SYNE2: variants seen among roughly 807,000 people sequenced by gnomAD.
SYNE2 encodes the protein spectrin repeat containing nuclear envelope protein 2.
A neutral mutation model predicts 856.3 loss-of-function variants in SYNE2; 431 were observed. That is an observed-to-expected ratio of 0.50 (90% CI 0.47 to 0.55). SYNE2 has a LOEUF of 0.55. Among genes scored for constraint, SYNE2 ranks in the 20% least tolerant of loss-of-function variants. The probability of loss-of-function intolerance (pLI) is 0.00; values close to 1 mark genes in which losing one functional copy is unlikely to be tolerated. For synonymous variants in SYNE2, 2,923 were observed against 2,872.3 expected, an observed-to-expected ratio of 1.02 and a Z score of -0.56; for missense variants, 8,129 against 8,023.2, an observed-to-expected ratio of 1.01 and a Z score of -0.50.
intron 60 of SYNE2, among the ~76,000 whole-genome samples, chr14:64,092,470 G>A (rs988120603): frequency 3.9e-5 from 6 of 152,194 alleles, no homozygotes; most frequent in Non-Finnish European, 7.3e-5. Flanking sequence ...AGAACGGGAT[G>A]TAGTTCATTA....
At chr14:63,856,076 C>T (rs767622413) in intron 1 of SYNE2, among the ~76,000 whole-genome samples, 2 of 152,096 alleles carry the variant, frequency 1.3e-5, no homozygotes, top group Non-Finnish European at 2.9e-5. Context: ...TGCTCAAAGG[C>T]CTCCAGGCAG....
intron 53 of SYNE2, among the ~76,000 whole-genome samples, chr14:64,075,033 A>C (rs1047417499): frequency 2.6e-5 from 4 of 152,040 alleles, no homozygotes; most frequent in African/African-American, 9.7e-5. Flanking sequence ...GATGACACTT[A>C]CTTATTAAAC....
At position 64,225,300 on chromosome 14, in the gene SYNE2, C is replaced by A. The variant is rs375356310; in HGVS notation, c.20517-19C>A. ...CCTGTGGAGCCTCCCAATCAGCTCT[C>A]AACCTCCTCTGTTGGCAGGGTCCCC... On this transcript the variant is annotated intron_variant, in intron 115 of 115. Transcript: ENST00000555002. The A allele has an allele frequency of 1.5e-4, 240 of 1,613,978 alleles. No individual in the cohort carries two copies. Among genetic ancestry groups the A allele is most frequent in the Non-Finnish European group, 2.0e-4 (236 of 1,180,048 alleles).
rs188913060 is a variant in SYNE2 at position 64,097,250 on chromosome 14, G to C, written c.12109-699G>C. On this transcript the variant is annotated intron_variant, in intron 61 of 115. Transcript: ENST00000555002. ...TTCCCATAATAAGATATACTACATG[G>C]TACCTTTATTTGTTTACCTATTCCT... Among the ~76,000 whole-genome samples, 42 of 152,058 alleles carry C rather than the reference G, an allele frequency of 2.8e-4. 2 individuals are homozygous for C. The East Asian group carries it at 4.3e-3, about 15-fold the overall frequency.
intron 99 of SYNE2, among the ~76,000 whole-genome samples, chr14:64,193,794 A>G (rs2098528860): frequency 6.6e-6 from 1 of 152,002 alleles, no homozygotes; most frequent in African/African-American, 2.4e-5. Context: ...GGAAACCAAC[A>G]TTGCTTATTT....
At position 64,185,454 on chromosome 14, in the gene SYNE2, C is replaced by T. The variant is rs537073175; in HGVS notation, c.17557-970C>T. ...GTGAAAGTAAATCTCTTGAGTAAAT[C>T]CTAGATTTCAGAAGGTTTCAATTTG... On this transcript the variant is annotated intron_variant, in intron 96 of 115. Coordinates refer to ENST00000555002, the MANE Select transcript of SYNE2 (RefSeq NM_182914.3). Among the ~76,000 whole-genome samples, 15 of 150,410 alleles carry T rather than the reference C, an allele frequency of 1.0e-4. No individual in the cohort carries two copies. The South Asian group carries it at 3.2e-3, about 32-fold the overall frequency.
At chr14:64,153,243 G>T (rs777110172) in intron 85 of SYNE2, among the ~76,000 whole-genome samples, 8 of 152,300 alleles carry the variant, frequency 5.3e-5, no homozygotes, top group Admixed American at 6.5e-5. Flanking sequence ...CTTACAAAAG[G>T]CATGTCAATG....
rs371016768 is a variant in SYNE2 at position 63,949,956 on chromosome 14, A to G, written c.540A>G (p.Gln180=). The G allele has an allele frequency of 6.8e-6, 11 of 1,614,120 alleles. No individual in the cohort carries two copies. Among genetic ancestry groups the G allele is most frequent in the Non-Finnish European group, 9.3e-6 (11 of 1,180,018 alleles). Reference sequence around the variant, plus strand: ...GCTCTAAAGTGCAAGCAAGATGGCAAATGTCTGCAAGAAAGGCCCTTCTTT... The same window carrying G: ...GCTCTAAAGTGCAAGCAAGATGGCAGATGTCTGCAAGAAAGGCCCTTCTTT... ...KKCSKVQARW[Q]MSARKALLLW... Residue 180 remains glutamine, a synonymous_variant, in exon 7 of 116, where the codon CAA becomes CAG. Transcript: ENST00000555002.
intron 62 of SYNE2, 94 bp from the exon 63 acceptor site, chr14:64,098,652 TA>T (rs1374207094): frequency 7.6e-7 from 1 of 1,322,582 alleles, no homozygotes; most frequent in Non-Finnish European, 1.1e-6. Flanking sequence ...ATAAAGTAAG[TA>T]AAAAATTAGC....
At chr14:64,182,662 C>A (rs567901450) in intron 96 of SYNE2, among the ~76,000 whole-genome samples, 1 of 152,310 alleles carries the variant, frequency 6.6e-6, no homozygotes, top group African/African-American at 2.4e-5. Flanking sequence ...TCCATTTAAT[C>A]CTGAGTGGAC....
At chr14:63,971,547 G>A (rs753695733) in intron 11 of SYNE2, among the ~76,000 whole-genome samples, 8 of 150,104 alleles carry the variant, frequency 5.3e-5, no homozygotes, top group East Asian at 2.0e-4. Context: ...CACATGTAAT[G>A]TATGTCTTAA....
chr14:64,053,958 G>A (rs755749461), intron 48 of SYNE2, among the ~76,000 whole-genome samples: 1 of 152,154 alleles, frequency 6.6e-6, no homozygotes, highest in Non-Finnish European at 1.5e-5. Context: ...GACCAAGTGA[G>A]ACTCTGTCTC....
At chr14:63,975,273 T>C (rs184723736) in intron 11 of SYNE2, among the ~76,000 whole-genome samples, 2 of 152,246 alleles carry the variant, frequency 1.3e-5, no homozygotes, top group Admixed American at 6.5e-5. Flanking sequence ...AATTTTGATA[T>C]CTTTAATGTG....
At chr14:64,138,527 C>T (rs1284780849) in intron 79 of SYNE2, among the ~76,000 whole-genome samples, 1 of 152,046 alleles carries the variant, frequency 6.6e-6, no homozygotes, top group Non-Finnish European at 1.5e-5. Context: ...AGCCACTGCA[C>T]CCAGCTAGTT....
chr14:63,928,193 G>T (rs1353564935), intron 2 of SYNE2, among the ~76,000 whole-genome samples: 1 of 152,174 alleles, frequency 6.6e-6, no homozygotes, highest in Non-Finnish European at 1.5e-5. Context: ...AAGGTTGGGG[G>T]TGTCCAACCC....
At chr14:64,115,163 C>T (rs530631562) in intron 66 of SYNE2, among the ~76,000 whole-genome samples, 1 of 152,306 alleles carries the variant, frequency 6.6e-6, no homozygotes, top group East Asian at 1.9e-4. Context: ...TTGATTATCA[C>T]CAGAATCCCA....
intron 1 of SYNE2, among the ~76,000 whole-genome samples, chr14:63,903,472 T>A (rs2095364738): frequency 1.3e-5 from 2 of 152,194 alleles, no homozygotes; most frequent in Non-Finnish European, 2.9e-5. Context: ...AATTTTTTTC[T>A]GACACCTTTG....
At position 64,130,124 on chromosome 14, in the gene SYNE2, A is replaced by G. The variant is rs1167783896; in HGVS notation, c.14216A>G (p.Gln4739Arg). The change falls in exon 76 of 116, where the codon CAG (glutamine) becomes CGG (arginine). Residue 4739 changes from glutamine (Q) to arginine (R), a missense_variant. This residue lies in a region of SYNE2 where 5,410 missense variants were observed against 5,284.8 expected (regional missense o/e 1.02). Transcript: ENST00000555002. ...ELSSPFVTES[Q>R]QDALLQGMVE... ...AGCAGCCCTTTCGTCACTGAGAGCCAGCAAGATGCTTTGTTGCAAGGCATG... is the reference window on the plus strand; with the variant it reads ...AGCAGCCCTTTCGTCACTGAGAGCCGGCAAGATGCTTTGTTGCAAGGCATG... 2 of 1,614,220 alleles carry G rather than the reference A, an allele frequency of 1.2e-6. No homozygotes were observed. Among genetic ancestry groups the G allele is most frequent in the East Asian group, 2.2e-5 (1 of 44,886 alleles).
In SYNE2 at chr14:64,202,838, C is replaced by T; in HGVS notation, c.18076C>T (p.Gln6026Ter). The T allele has an allele frequency of 6.2e-7, 1 of 1,614,100 alleles. No homozygotes were observed. Among genetic ancestry groups the T allele is most frequent in the Non-Finnish European group, 8.5e-7 (1 of 1,180,006 alleles). ...GAAGGAGACCTTTGCTTTTATTCAG[C>T]AGTTGGACAAAAACATGAGCAACCT... is the stretch of plus-strand genomic sequence containing the variant. The part of the protein sequence containing the change: ...KLKETFAFIQ[Q>*]LDKNMSNLRT... The change falls in exon 100 of 116, where the codon CAG (glutamine) becomes TAG (stop). Residue 6026 changes from glutamine to a stop codon, truncating the protein, a stop_gained. Transcript: ENST00000555002. LOFTEE classifies it high-confidence loss of function.
Sources: allele counts gnomAD v4.1 joint callset (sites outside exome capture counted in the v4.1 genomes callset), GRCh38; gene constraint gnomAD v4.1.1; regional missense constraint gnomAD v4.1.1; transcripts MANE v1.5; gene names NCBI Gene and HGNC (gene_info 2026-07-23, HGNC 2026-07-21).